SULF1: variants seen among roughly 807,000 people sequenced by gnomAD.
SULF1 encodes extracellular sulfatase Sulf-1.
In SULF1, 46 loss-of-function variants were observed where a neutral mutation model predicts 110.5. The ratio of observed to expected loss-of-function variants is 0.42; its 90% CI spans 0.33 to 0.53. SULF1 has a LOEUF of 0.53. Among genes scored for constraint, SULF1 ranks in the 20% least tolerant of loss-of-function variants. SULF1 has a pLI of 0.12. For synonymous variants in SULF1, 371 were observed against 387.1 expected, an observed-to-expected ratio of 0.96 and a Z score of 0.49; for missense variants, 941 against 1,094.2, an observed-to-expected ratio of 0.86 and a Z score of 1.98.
At chr8:69,506,621 C>T (rs1563478484) in intron 3 of SULF1, among the ~76,000 whole-genome samples, 1 of 152,204 alleles carries the variant, frequency 6.6e-6, no homozygotes, top group Non-Finnish European at 1.5e-5. Flanking sequence ...GCAGGTGGCT[C>T]TGTCAGTATG....
intron 3 of SULF1, among the ~76,000 whole-genome samples, chr8:69,534,155 A>C (rs896250801): frequency 6.6e-6 from 1 of 152,228 alleles, no homozygotes; most frequent in African/African-American, 2.4e-5. Flanking sequence ...TACATTCTGC[A>C]TTACTGAACC....
intron 22 of SULF1, among the ~76,000 whole-genome samples, chr8:69,658,168 G>A (rs1274056868): frequency 6.6e-6 from 1 of 152,152 alleles, no homozygotes; most frequent in Non-Finnish European, 1.5e-5. Context: ...AAGACTCAGA[G>A]GGACTCACTC....
intron 1 of SULF1, among the ~76,000 whole-genome samples, chr8:69,478,312 C>T (rs1487128667): frequency 6.6e-6 from 1 of 152,178 alleles, no homozygotes; most frequent in East Asian, 1.9e-4. Flanking sequence ...CTTATTTCTA[C>T]ACTGTTTCAT....
At chr8:69,638,951 C>T (rs1160581227) in intron 21 of SULF1, 93 bp downstream of exon 21, 1 of 1,263,720 alleles carries the variant, frequency 7.9e-7, no homozygotes, top group Admixed American at 2.6e-5. Flanking sequence ...TGCACAGAAA[C>T]ATATAATTCA....
chr8:69,571,565 T>C (rs991719654), intron 5 of SULF1, among the ~76,000 whole-genome samples: 2 of 152,198 alleles, frequency 1.3e-5, no homozygotes, highest in Non-Finnish European at 2.9e-5. Context: ...TATGAAATAA[T>C]TGTTGTAATA....
intron 3 of SULF1, among the ~76,000 whole-genome samples, chr8:69,505,475 G>A (rs906553970): frequency 6.6e-6 from 1 of 152,058 alleles, no homozygotes; most frequent in African/African-American, 2.4e-5. Context: ...ATACCTATTT[G>A]GGATGGAAAA....
chr8:69,594,934 G>A (rs924725545), intron 8 of SULF1, among the ~76,000 whole-genome samples: 2 of 152,080 alleles, frequency 1.3e-5, no homozygotes, highest in Admixed American at 1.3e-4. Flanking sequence ...CTGAAGACAG[G>A]GACAAAAATG....
intron 8 of SULF1, among the ~76,000 whole-genome samples, chr8:69,598,110 CAA>C (rs35655573): frequency 5.0e-5 from 7 of 139,284 alleles, no homozygotes; most frequent in East Asian, 2.2e-4. Flanking sequence ...TCTTTCAGGC[CAA>C]AAAAAAAAAA....
chr8:69,587,860 G>C (rs1806584247), intron 7 of SULF1, among the ~76,000 whole-genome samples: 1 of 152,178 alleles, frequency 6.6e-6, no homozygotes, highest in African/African-American at 2.4e-5. Context: ...AAGTGTCAAA[G>C]ACAACTGTGT....
At chr8:69,505,446 A>AT (rs1811121592) in intron 3 of SULF1, among the ~76,000 whole-genome samples, 1 of 152,040 alleles carries the variant, frequency 6.6e-6, no homozygotes, top group South Asian at 2.1e-4. Flanking sequence ...GAAAATTAAG[A>AT]TTTTTCCTAG....
At chr8:69,593,333 A>AT (rs1253297113) in intron 8 of SULF1, among the ~76,000 whole-genome samples, 7 of 152,366 alleles carry the variant, frequency 4.6e-5, no homozygotes, top group African/African-American at 1.4e-4. Flanking sequence ...AGGCAAAGGG[A>AT]TGCGAGAAGT....
At chr8:69,546,507 C>T (rs1437392847) in intron 3 of SULF1, among the ~76,000 whole-genome samples, 1 of 152,160 alleles carries the variant, frequency 6.6e-6, no homozygotes, top group African/African-American at 2.4e-5. Flanking sequence ...TGCTAAATTC[C>T]CATAAAGCAG....
At chr8:69,498,831 G>A (rs996335247) in intron 2 of SULF1, among the ~76,000 whole-genome samples, 3 of 152,162 alleles carry the variant, frequency 2.0e-5, no homozygotes, top group African/African-American at 4.8e-5. Context: ...CTCCACCCAC[G>A]CAATGGACCA....
intron 1 of SULF1, among the ~76,000 whole-genome samples, chr8:69,468,504 C>A (rs988631307): frequency 6.6e-6 from 1 of 152,136 alleles, no homozygotes; most frequent in African/African-American, 2.4e-5. Context: ...ACTTCTCCTT[C>A]AATGAGAAAT....
intron 1 of SULF1, among the ~76,000 whole-genome samples, chr8:69,472,152 T>C (rs537015990): frequency 5.3e-5 from 8 of 152,152 alleles, no homozygotes; most frequent in Non-Finnish European, 1.5e-5. Context: ...CCAAGGATAA[T>C]AAAGAGCAGG....
At chr8:69,631,505 G>C (rs893555551) in intron 19 of SULF1, among the ~76,000 whole-genome samples, 1 of 152,346 alleles carries the variant, frequency 6.6e-6, no homozygotes, top group South Asian at 2.1e-4. Flanking sequence ...TCAGTGAGCT[G>C]TGATCGTGCC....
Position 69,603,213 on chromosome 8 carries a change from C to T in SULF1, c.1083C>T (p.Asn361=), listed in dbSNP as rs1807972831. The T allele has an allele frequency of 6.2e-7, 1 of 1,614,072 alleles. No individual in the cohort carries two copies. The highest frequency in any genetic ancestry group is 8.5e-7 in the Non-Finnish European group (1 of 1,180,040). ...ACAGAGTCCCACAGATCGTTCTCAA[C>T]ATTGACTTGGCCCCCACGATCCTGG... The part of the protein sequence containing the change: ...PGSIVPQIVL[N]IDLAPTILDI... The change falls in exon 11 of 23, where the codon AAC becomes AAT. Residue 361 remains asparagine (N), a synonymous_variant. Transcript: ENST00000402687.
intron 5 of SULF1, among the ~76,000 whole-genome samples, chr8:69,574,012 C>T (rs1363725047): frequency 2.0e-5 from 3 of 152,152 alleles, no homozygotes; most frequent in Admixed American, 6.5e-5. Context: ...CAGGGGTAGA[C>T]GGCTTCAGCG....
At chr8:69,543,040 A>G (rs956769390) in intron 3 of SULF1, among the ~76,000 whole-genome samples, 1 of 152,158 alleles carries the variant, frequency 6.6e-6, no homozygotes, top group Non-Finnish European at 1.5e-5. Flanking sequence ...ACGCATGACA[A>G]ACTTCTATGA....
Sources: allele counts gnomAD v4.1 joint callset (sites outside exome capture counted in the v4.1 genomes callset), GRCh38; gene constraint gnomAD v4.1.1; transcripts MANE v1.5; gene names NCBI Gene and HGNC (gene_info 2026-07-23, HGNC 2026-07-21).